CDH8: variants seen among roughly 807,000 people sequenced by gnomAD.
CDH8 encodes the protein cadherin 8.
In CDH8, 17 loss-of-function variants were observed where a neutral mutation model predicts 68.1. The observed-to-expected ratio is 0.25, with a 90% CI of 0.17 to 0.37. The LOEUF (loss-of-function observed/expected upper bound fraction) is 0.37. Among genes scored for constraint, CDH8 ranks in the 10% least tolerant of loss-of-function variants. The pLI, the probability that CDH8 is intolerant of heterozygous loss-of-function variation, is 1.00. For missense variants in CDH8, 763 were observed against 999.3 expected, an observed-to-expected ratio of 0.76 and a Z score of 3.19; for synonymous variants, 372 against 365.1, an observed-to-expected ratio of 1.02 and a Z score of -0.21.
chr16:61,765,181 A>T (rs1021981392), intron 8 of CDH8, among the ~76,000 whole-genome samples: 3 of 152,084 alleles, frequency 2.0e-5, no homozygotes, highest in African/African-American at 7.2e-5. Context: ...AGAGGTCTTC[A>T]CTGTTTAAAT....
At position 61,942,192 on chromosome 16, in the gene CDH8, C is replaced by A. The variant is rs183231548; in HGVS notation, c.253-40719G>T. 5.3e-3 allele frequency among the ~76,000 whole-genome samples: 808 copies of A among 152,218 alleles called. 4 individuals are homozygous for A. Among genetic ancestry groups the A allele is most frequent in the Non-Finnish European group, 7.5e-3 (511 of 68,010 alleles). ...AAAACTCTTCAGTACCCACCCATCA[C>A]ATTTAGAAAACAGACTAAGGAATGG... On this transcript the variant is annotated intron_variant, in intron 2 of 11. Coordinates refer to ENST00000577390, the MANE Select transcript of CDH8 (RefSeq NM_001796.5).
intron 2 of CDH8, among the ~76,000 whole-genome samples, chr16:61,960,003 T>C (rs1436838951): frequency 1.6e-4 from 13 of 82,830 alleles, no homozygotes; most frequent in Admixed American, 5.5e-4. Flanking sequence ...TATATATATA[T>C]ATATATATAT....
chr16:61,822,188 C>A (rs932162170), intron 5 of CDH8, among the ~76,000 whole-genome samples: 1 of 122,150 alleles, frequency 8.2e-6, no homozygotes, highest in African/African-American at 3.0e-5. Flanking sequence ...ACTGTAGTAA[C>A]TGGCTCAAAA....
intron 2 of CDH8, among the ~76,000 whole-genome samples, chr16:61,942,594 C>CTTGA (rs1676770340): frequency 6.6e-6 from 1 of 152,172 alleles, no homozygotes; most frequent in African/African-American, 2.4e-5. Context: ...GTTACCTGAC[C>CTTGA]TTGATCTTAC....
chr16:61,760,747 T>C (rs761479246), intron 8 of CDH8, among the ~76,000 whole-genome samples: 31 of 152,182 alleles, frequency 2.0e-4, no homozygotes, highest in Non-Finnish European at 3.7e-4. Context: ...TAGTTATGTA[T>C]AGTGTAAACA....
chr16:61,727,060 A>G, intron 9 of CDH8, 34 bp downstream of exon 9: 1 of 1,606,378 alleles, frequency 6.2e-7, no homozygotes. Flanking sequence ...TTGTATACAA[A>G]CATATTCAGC....
At chr16:61,761,718 T>G (rs760253038) in intron 8 of CDH8, among the ~76,000 whole-genome samples, 1 of 151,996 alleles carries the variant, frequency 6.6e-6, no homozygotes, top group Non-Finnish European at 1.5e-5. Context: ...AATGGCAAAA[T>G]TAGGCCAGGT....
At chr16:61,702,229 G>A (rs1199057298) in intron 10 of CDH8, among the ~76,000 whole-genome samples, 4 of 152,156 alleles carry the variant, frequency 2.6e-5, no homozygotes, top group Admixed American at 2.0e-4. Context: ...AAAATTAGCC[G>A]GGAGTGGCGG....
At chr16:61,754,933 C>T (rs1391138781) in intron 8 of CDH8, among the ~76,000 whole-genome samples, 1 of 152,146 alleles carries the variant, frequency 6.6e-6, no homozygotes, top group Non-Finnish European at 1.5e-5. Flanking sequence ...TTTCCTCCCT[C>T]CTCTAGCAGG....
At chr16:61,826,568 C>G (rs1473981029) in intron 4 of CDH8, among the ~76,000 whole-genome samples, 1 of 151,780 alleles carries the variant, frequency 6.6e-6, no homozygotes, top group African/African-American at 2.4e-5. Flanking sequence ...ACTTCTAACC[C>G]AGGGGCACCA....
Position 61,653,881 on chromosome 16 carries a change from C to A in CDH8, c.2127G>T (p.Arg709Ser). 6.2e-7 allele frequency: 1 copy of A among 1,614,214 alleles called. No individual in the cohort carries two copies. Among genetic ancestry groups the A allele is most frequent in the South Asian group, 1.1e-5 (1 of 91,088 alleles). The change falls in exon 12 of 12, where the codon AGG (arginine) becomes AGT (serine). Residue 709 changes from arginine to serine, a missense_variant. Arg to Ser is a moderately radical substitution (Grantham distance 110, BLOSUM62 -1). Around this residue, in one of 2 missense-constraint regions of CDH8, gnomAD observed 397 missense variants for 436.2 expected, o/e 0.91. Coordinates refer to ENST00000577390, the MANE Select transcript of CDH8 (RefSeq NM_001796.5). The stretch of plus-strand genomic sequence containing the variant: ...CATTTGGAACTGGAGCAAGCCCTTG[C>A]CTTGGCATAAACTGCAAATCTGGTT... ...DIKPDLQFMPRQGLAPVPNGV... is the reference protein window; with the variant it reads ...DIKPDLQFMPSQGLAPVPNGV...
In CDH8 at chr16:61,690,012, C is replaced by T. The variant is rs778786966; in HGVS notation, c.1654+23829G>A. On this transcript the variant is annotated intron_variant, in intron 10 of 11. Coordinates refer to ENST00000577390, the MANE Select transcript of CDH8 (RefSeq NM_001796.5). ...TAACCAGTTACACTGTGATTGTCTA[C>T]GTCTACATTCATACCACAATTCCAT... 2.4e-4 allele frequency among the ~76,000 whole-genome samples: 37 copies of T among 151,968 alleles called. 1 individual carries two copies. Among genetic ancestry groups the T allele is most frequent in the Admixed American group, 2.3e-3 (35 of 15,238 alleles).
intron 10 of CDH8, among the ~76,000 whole-genome samples, chr16:61,666,208 A>C (rs76751168): frequency 7.5e-6 from 1 of 133,836 alleles, no homozygotes; most frequent in Admixed American, 7.8e-5. Context: ...GTGTGTGTGT[A>C]TATATATATA....
At chr16:61,811,620 T>C (rs1430183873) in intron 7 of CDH8, among the ~76,000 whole-genome samples, 2 of 152,086 alleles carry the variant, frequency 1.3e-5, no homozygotes, top group African/African-American at 2.4e-5. Flanking sequence ...GTATTTACAA[T>C]AGCCAAAATG....
At chr16:61,930,270 A>AAC (rs369686237) in intron 2 of CDH8, among the ~76,000 whole-genome samples, 35,314 of 144,182 alleles carry the variant, frequency 0.24, 4,408 homozygotes, top group African/African-American at 0.34. Context: ...AAAGTTAGAA[A>AAC]ACACACACAC....
intron 3 of CDH8, among the ~76,000 whole-genome samples, chr16:61,874,733 CA>C (rs1029708941): frequency 1.3e-5 from 2 of 152,050 alleles, no homozygotes; most frequent in Non-Finnish European, 2.9e-5. Flanking sequence ...TCACTCAATC[CA>C]AAAAAGTGGT....
chr16:61,793,022 G>C (rs1350471526), intron 7 of CDH8, among the ~76,000 whole-genome samples: 3 of 151,852 alleles, frequency 2.0e-5, no homozygotes, highest in African/African-American at 7.3e-5. Flanking sequence ...CGTATTAGAA[G>C]GTGGGGCTTT....
At chr16:61,833,997 C>T (rs144856012) in intron 4 of CDH8, among the ~76,000 whole-genome samples, 24 of 151,820 alleles carry the variant, frequency 1.6e-4, no homozygotes, top group Non-Finnish European at 2.4e-4. Flanking sequence ...TCATAATTAT[C>T]GCCCAGAACC....
chr16:61,958,092 C>A (rs544773922), intron 2 of CDH8, among the ~76,000 whole-genome samples: 8 of 152,166 alleles, frequency 5.3e-5, no homozygotes, highest in Non-Finnish European at 1.2e-4. Context: ...CCTCAAAAAG[C>A]TATATCTTGT....
Sources: allele counts gnomAD v4.1 joint callset (sites outside exome capture counted in the v4.1 genomes callset), GRCh38; gene constraint gnomAD v4.1.1; regional missense constraint gnomAD v4.1.1; transcripts MANE v1.5; gene names NCBI Gene and HGNC (gene_info 2026-07-23, HGNC 2026-07-21).